Variants in JPH1 observed in about 807,000 individuals in gnomAD.
JPH1 encodes junctophilin-1.
JPH1 carries 12 observed loss-of-function variants against 53.6 expected under a neutral mutation model. The ratio of observed to expected loss-of-function variants is 0.22; its 90% CI spans 0.14 to 0.36. The LOEUF is 0.36. Among genes scored for constraint, JPH1 ranks in the 10% least tolerant of loss-of-function variants. The pLI is 1.00. For synonymous variants in JPH1, 375 were observed against 363.8 expected, an observed-to-expected ratio of 1.03 and a Z score of -0.35; for missense variants, 808 against 905.5, an observed-to-expected ratio of 0.89 and a Z score of 1.38.
At chr8:74,294,754 AAT>A (rs1807454483) in intron 2 of JPH1, among the ~76,000 whole-genome samples, 1 of 152,366 alleles carries the variant, frequency 6.6e-6, no homozygotes, top group African/African-American at 2.4e-5. Flanking sequence ...GCATTTGGAA[AAT>A]GCTGGTTCAA....
intron 3 of JPH1, among the ~76,000 whole-genome samples, chr8:74,256,449 G>A (rs895672551): frequency 2.0e-5 from 3 of 151,430 alleles, no homozygotes; most frequent in Non-Finnish European, 4.4e-5. Context: ...GCTAAATGAC[G>A]AGTTAATGGG....
intron 2 of JPH1, among the ~76,000 whole-genome samples, chr8:74,289,205 C>T (rs1359621991): frequency 2.6e-5 from 4 of 152,140 alleles, no homozygotes; most frequent in Admixed American, 6.5e-5. Flanking sequence ...GAGCAACAGT[C>T]CAGTCAGATT....
chr8:74,264,394 A>G (rs1806476269), intron 2 of JPH1, among the ~76,000 whole-genome samples: 1 of 152,228 alleles, frequency 6.6e-6, no homozygotes, highest in African/African-American at 2.4e-5. Flanking sequence ...TTATATCACC[A>G]GTGAATAAGT....
intron 1 of JPH1, among the ~76,000 whole-genome samples, chr8:74,316,231 C>T (rs772701450): frequency 5.9e-5 from 9 of 152,006 alleles, no homozygotes; most frequent in African/African-American, 2.2e-4. Context: ...TTTGGGTGAA[C>T]CTTTTTGAGC....
chr8:74,241,347 A>T (rs1164627638), intron 4 of JPH1, among the ~76,000 whole-genome samples: 2 of 152,184 alleles, frequency 1.3e-5, no homozygotes, highest in African/African-American at 4.8e-5. Context: ...AGTCTCATAA[A>T]TACGACTGTG....
At chr8:74,305,291 G>T (rs1807800094) in intron 2 of JPH1, among the ~76,000 whole-genome samples, 1 of 152,246 alleles carries the variant, frequency 6.6e-6, no homozygotes, top group African/African-American at 2.4e-5. Context: ...GGCAGCTGCT[G>T]CTTGGAGAAG....
chr8:74,275,998 C>T (rs1439733737), intron 2 of JPH1, among the ~76,000 whole-genome samples: 1 of 152,110 alleles, frequency 6.6e-6, no homozygotes, highest in African/African-American at 2.4e-5. Context: ...ATATTGTATG[C>T]TTCCCTGTAA....
intron 2 of JPH1, among the ~76,000 whole-genome samples, chr8:74,281,171 T>C (rs1165309427): frequency 6.6e-6 from 1 of 152,262 alleles, no homozygotes; most frequent in Non-Finnish European, 1.5e-5. Flanking sequence ...AACTTTTGTA[T>C]TTAAAGTCTT....
rs1806982467 is a variant in JPH1, at chr8:74,235,779, AGCC to A, written c.*1269_*1271del. ...CACATATTTAAAATAAAAATGTCTA[AGCC>A]TTTAAAATGTGAAATGAAATTACAA... On this transcript the variant is annotated 3_prime_UTR_variant, in exon 6 of 6. Transcript: ENST00000342232. 6.6e-6 allele frequency: 1 copy of A among 152,644 alleles called. No individual in the cohort carries two copies. The highest frequency in any genetic ancestry group is 1.5e-5 in the Non-Finnish European group (1 of 68,042). The allele number at this position is 152,644 out of a possible 1,614,324, so 9.5% of individuals were successfully genotyped here.
intron 2 of JPH1, among the ~76,000 whole-genome samples, chr8:74,287,541 T>C (rs898580158): frequency 2.6e-5 from 4 of 152,184 alleles, no homozygotes; most frequent in Non-Finnish European, 5.9e-5. Context: ...TTAAAAATCA[T>C]GGGCTACTAA....
intron 2 of JPH1, among the ~76,000 whole-genome samples, chr8:74,306,116 G>A (rs971848955): frequency 1.3e-5 from 2 of 152,158 alleles, no homozygotes; most frequent in Admixed American, 1.3e-4. Flanking sequence ...GTAATGACCC[G>A]TTGCGTGGTG....
chr8:74,311,070 C>A (rs191928437), intron 2 of JPH1, among the ~76,000 whole-genome samples: 8 of 152,234 alleles, frequency 5.3e-5, no homozygotes, highest in Non-Finnish European at 7.4e-5. Flanking sequence ...GGACTACAGG[C>A]GTATGCCACC....
At chr8:74,279,617 G>T (rs544104742) in intron 2 of JPH1, among the ~76,000 whole-genome samples, 2 of 152,090 alleles carry the variant, frequency 1.3e-5, no homozygotes, top group Non-Finnish European at 2.9e-5. Flanking sequence ...TGATATATTC[G>T]TTTCCTCATT....
intron 2 of JPH1, among the ~76,000 whole-genome samples, chr8:74,300,382 T>C (rs1563417380): frequency 2.0e-5 from 3 of 152,210 alleles, no homozygotes; most frequent in Non-Finnish European, 4.4e-5. Flanking sequence ...TTTTCTCTAA[T>C]TGACTCTAAG....
chr8:74,312,888 A>G (rs1306958231), intron 2 of JPH1, among the ~76,000 whole-genome samples: 2 of 152,212 alleles, frequency 1.3e-5, no homozygotes, highest in South Asian at 2.1e-4. Flanking sequence ...CTAAAAGTAT[A>G]AGGTCTTAAA....
intron 2 of JPH1, among the ~76,000 whole-genome samples, chr8:74,311,855 A>G (rs955376464): frequency 1.2e-4 from 19 of 152,038 alleles, no homozygotes; most frequent in Admixed American, 1.2e-3. Flanking sequence ...TGAACTCATC[A>G]TTTTTTATGG....
chr8:74,276,432 G>T (rs575680609), intron 2 of JPH1, among the ~76,000 whole-genome samples: 83 of 152,238 alleles, frequency 5.5e-4, no homozygotes, highest in Admixed American at 1.6e-3. Flanking sequence ...AATATATAAA[G>T]GAGAGTGGCA....
chr8:74,301,929 T>C (rs1261458862), intron 2 of JPH1, among the ~76,000 whole-genome samples: 1 of 152,132 alleles, frequency 6.6e-6, no homozygotes, highest in Non-Finnish European at 1.5e-5. Flanking sequence ...GCAGGGTACA[T>C]GGGTTCAAAA....
chr8:74,318,319 G>A lies in JPH1; in HGVS notation c.379+2590C>T, dbSNP rs115505145. Reference sequence around the variant, plus strand: ...TTAACTACACAATCTTGTAGTGGAAGGCATCCAGTTTAGGAGTTTCAGTCA... The same window carrying A: ...TTAACTACACAATCTTGTAGTGGAAAGCATCCAGTTTAGGAGTTTCAGTCA... On this transcript the variant is annotated intron_variant, in intron 1 of 5. Transcript: ENST00000342232. 8.5e-3 allele frequency among the ~76,000 whole-genome samples: 1,291 copies of A among 152,250 alleles called. 21 individuals are homozygous for A. Among genetic ancestry groups the A allele is most frequent in the African/African-American group, 0.022 (922 of 41,540 alleles).
Sources: gnomAD v4.1 joint callset for allele counts (sites outside exome capture counted in the v4.1 genomes callset) on GRCh38, gnomAD v4.1.1 for gene constraint, MANE v1.5 for transcripts, NCBI Gene and HGNC (gene_info 2026-07-23, HGNC 2026-07-21) for gene names.